PPP1R21: variants seen among roughly 807,000 people sequenced by gnomAD.
PPP1R21 encodes the protein protein phosphatase 1 regulatory subunit 21, also known as KLRAQ motif containing 1.
Under a neutral mutation model 112.8 loss-of-function variants are expected in PPP1R21, and 85 were observed. The ratio of observed to expected loss-of-function variants is 0.75; its 90% CI spans 0.63 to 0.90. The LOEUF (loss-of-function observed/expected upper bound fraction) is 0.90. Ranked by LOEUF, PPP1R21 falls within the 40% of genes least tolerant of loss-of-function variation. The pLI is 0.00. For missense variants in PPP1R21, 1,199 were observed against 901.5 expected, an observed-to-expected ratio of 1.33 and a Z score of -4.23; for synonymous variants, 381 against 322.3, an observed-to-expected ratio of 1.18 and a Z score of -1.95.
At chr2:48,483,379 C>T (rs1572869784) in intron 13 of PPP1R21, among the ~76,000 whole-genome samples, 3 of 151,786 alleles carry the variant, frequency 2.0e-5, no homozygotes, top group African/African-American at 4.8e-5. Flanking sequence ...GACAGGGTTT[C>T]GCCATGTTGG....
chr2:48,484,232 T>C (rs1037848734), intron 13 of PPP1R21, among the ~76,000 whole-genome samples: 3 of 152,136 alleles, frequency 2.0e-5, no homozygotes, highest in Admixed American at 6.6e-5. Flanking sequence ...AATCATCCTA[T>C]ACCAATAAAC....
At chr2:48,500,578 A>C (rs1670066017) in intron 17 of PPP1R21, among the ~76,000 whole-genome samples, 1 of 152,160 alleles carries the variant, frequency 6.6e-6, no homozygotes, top group Admixed American at 6.5e-5. Context: ...AAACAACAAC[A>C]ACAATTAAAA....
intron 14 of PPP1R21, among the ~76,000 whole-genome samples, chr2:48,487,139 T>C (rs1669337690): frequency 2.0e-5 from 3 of 152,178 alleles, no homozygotes; most frequent in Admixed American, 2.0e-4. Context: ...ATTGGATGAT[T>C]AGAAGATTCT....
At chr2:48,445,766 C>T (rs1013390484) in intron 1 of PPP1R21, among the ~76,000 whole-genome samples, 1 of 152,160 alleles carries the variant, frequency 6.6e-6, no homozygotes. Flanking sequence ...TTTTTCCTGC[C>T]TCAGTGACAA....
At chr2:48,444,131 A>G (rs1332981712) in intron 1 of PPP1R21, among the ~76,000 whole-genome samples, 1 of 152,242 alleles carries the variant, frequency 6.6e-6, no homozygotes, top group Non-Finnish European at 1.5e-5. Flanking sequence ...TGGAGGTCAA[A>G]GCAGATGAGA....
intron 9 of PPP1R21, among the ~76,000 whole-genome samples, chr2:48,469,365 CAT>C (rs1348186030): frequency 2.7e-4 from 10 of 37,262 alleles, no homozygotes; most frequent in Admixed American, 6.0e-4. Context: ...ATATATAGAG[CAT>C]ATATATATAT....
intron 17 of PPP1R21, among the ~76,000 whole-genome samples, chr2:48,501,056 C>T (rs1670089803): frequency 6.6e-6 from 1 of 152,220 alleles, no homozygotes; most frequent in African/African-American, 2.4e-5. Flanking sequence ...GTCTTTGTTC[C>T]AGTCACAAGT....
chr2:48,447,950 A>T (rs1406100479), intron 1 of PPP1R21, among the ~76,000 whole-genome samples: 3 of 151,900 alleles, frequency 2.0e-5, no homozygotes, highest in African/African-American at 7.2e-5. Context: ...ACTCAGTCTC[A>T]AAATAAATAA....
chr2:48,487,137 A>T (rs755805135), intron 14 of PPP1R21, among the ~76,000 whole-genome samples: 1 of 152,166 alleles, frequency 6.6e-6, no homozygotes. Flanking sequence ...ATATTGGATG[A>T]TTAGAAGATT....
At chr2:48,482,253 A>G (rs1467870671) in intron 13 of PPP1R21, among the ~76,000 whole-genome samples, 1 of 152,232 alleles carries the variant, frequency 6.6e-6, no homozygotes. Flanking sequence ...ATGTAAAGTC[A>G]CCTCCAAATG....
intron 19 of PPP1R21, among the ~76,000 whole-genome samples, chr2:48,508,945 C>T (rs1049067068): frequency 3.3e-5 from 5 of 152,092 alleles, no homozygotes. Context: ...GAAGTGGTGA[C>T]CTCCCCCCTC....
At position 48,507,747 on chromosome 2, in the gene PPP1R21, G is replaced by C. The variant is rs1572899840; in HGVS notation, c.2085+362G>C. Among the ~76,000 whole-genome samples the C allele has an allele frequency of 3.5e-5, 3 of 85,688 alleles. 1 individual carries two copies. The highest frequency in any genetic ancestry group is 1.5e-4 in the African/African-American group (3 of 20,370). The allele number at this position is 85,688 out of a possible 152,430, so 56.2% of individuals were successfully genotyped here. A position where few individuals can be genotyped will look rare whatever the true frequency, so the allele number is the denominator to read the frequency against. The stretch of plus-strand genomic sequence containing the variant: ...ATAAGACTGATTTGAGTGAGGCTCT[G>C]CCTTTTTTTTTTTTTTTTTTTTTTT... On this transcript the variant is annotated intron_variant, in intron 19 of 21. Coordinates refer to ENST00000294952, the MANE Select transcript of PPP1R21 (RefSeq NM_001135629.3).
chr2:48,459,518 G>C (rs989957212), intron 4 of PPP1R21, among the ~76,000 whole-genome samples: 2 of 152,142 alleles, frequency 1.3e-5, no homozygotes, highest in African/African-American at 2.4e-5. Context: ...TTAGCTGTGA[G>C]ACATTAGACT....
chr2:48,496,657 A>G (rs999767578), intron 16 of PPP1R21, among the ~76,000 whole-genome samples: 1 of 152,124 alleles, frequency 6.6e-6, no homozygotes. Context: ...TAGTATAGAC[A>G]GGGTTTCGCC....
At chr2:48,513,583 A>G (rs1670734632) in intron 21 of PPP1R21, among the ~76,000 whole-genome samples, 2 of 152,116 alleles carry the variant, frequency 1.3e-5, no homozygotes, top group Non-Finnish European at 2.9e-5. Flanking sequence ...CTTCAGTTTG[A>G]ATTTATGTCA....
intron 1 of PPP1R21, 148 bp from the exon 2 acceptor site, chr2:48,450,860 C>T (rs561471341): frequency 2.3e-4 from 136 of 584,748 alleles, no homozygotes; most frequent in Non-Finnish European, 3.8e-4. Context: ...CTACTACCCT[C>T]TTTGGGTCTA....
intron 14 of PPP1R21, among the ~76,000 whole-genome samples, chr2:48,487,792 A>G (rs1431674298): frequency 1.3e-5 from 2 of 151,822 alleles, no homozygotes; most frequent in Non-Finnish European, 2.9e-5. Flanking sequence ...TGTTTTGATC[A>G]TGGATATTCC....
At chr2:48,441,044 C>A (rs1222978868) in intron 1 of PPP1R21, 34 bp downstream of exon 1, 3 of 1,501,090 alleles carry the variant, frequency 2.0e-6, no homozygotes, top group South Asian at 1.1e-5. Flanking sequence ...GGGGGTCCCC[C>A]GCCCTGCGGC....
chr2:48,476,283 T>C (rs1668752546), intron 12 of PPP1R21, among the ~76,000 whole-genome samples: 1 of 152,246 alleles, frequency 6.6e-6, no homozygotes, highest in Admixed American at 6.5e-5. Flanking sequence ...CATGTATCAG[T>C]ACTCAATTTT....
Sources: gnomAD v4.1 joint callset for allele counts (sites outside exome capture counted in the v4.1 genomes callset) on GRCh38, gnomAD v4.1.1 for gene constraint, MANE v1.5 for transcripts, NCBI Gene and HGNC (gene_info 2026-07-23, HGNC 2026-07-21) for gene names.